The following JAKMIP3 variants were observed in gnomAD, a reference collection of about 807,000 sequenced individuals.
JAKMIP3 encodes the protein Janus kinase and microtubule interacting protein 3, also known as janus kinase and microtubule-interacting protein 3.
Under a neutral mutation model 118.5 loss-of-function variants are expected in JAKMIP3, and 58 were observed. The observed-to-expected ratio is 0.49, with a 90% CI of 0.40 to 0.61. JAKMIP3 has a LOEUF of 0.61. Among genes scored for constraint, JAKMIP3 ranks in the 20% least tolerant of loss-of-function variants. The probability of loss-of-function intolerance (pLI) is 0.00; values close to 1 mark genes in which losing one functional copy is unlikely to be tolerated. For missense variants in JAKMIP3, 950 were observed against 1,109.0 expected, an observed-to-expected ratio of 0.86 and a Z score of 2.04; for synonymous variants, 486 against 451.2, an observed-to-expected ratio of 1.08 and a Z score of -0.98.
At chr10:132,036,395 G>A (rs1399321663), upstream of JAKMIP3, among the ~76,000 whole-genome samples, 4 of 152,228 alleles carry the variant, frequency 2.6e-5, no homozygotes, top group Non-Finnish European at 4.4e-5. Flanking sequence ...CGCTGGGATC[G>A]GCCTGAGCGG....
chr10:132,136,565 A>T (rs1429240923), intron 6 of JAKMIP3, among the ~76,000 whole-genome samples: 5 of 152,218 alleles, frequency 3.3e-5, no homozygotes, highest in Non-Finnish European at 7.3e-5. Context: ...AAAGGCCATG[A>T]AGCCAGAGTT....
At chr10:132,129,873 AC>A (rs1234255284) in intron 3 of JAKMIP3, among the ~76,000 whole-genome samples, 182 of 109,938 alleles carry the variant, frequency 1.7e-3, no homozygotes, top group African/African-American at 6.6e-3. Context: ...GGGCATCAGT[AC>A]CTTTTTTTTT....
intron 4 of JAKMIP3, 89 bp from the exon 5 acceptor site, chr10:132,134,952 C>T (rs2637643): frequency 0.45 from 669,968 of 1,498,604 alleles, 156,184 homozygotes; most frequent in Non-Finnish European, 0.49. Flanking sequence ...CCCACGGCAG[C>T]GTTTTTGTTC....
chr10:132,083,872 T>C (rs940387496), intron 1 of JAKMIP3, among the ~76,000 whole-genome samples: 3 of 152,230 alleles, frequency 2.0e-5, no homozygotes, highest in African/African-American at 4.8e-5. Context: ...CAAAGTTCTC[T>C]ATTCTGTTCC....
At position 132,180,632 on chromosome 10, in the gene JAKMIP3, T is replaced by C. The variant is rs763932082; in HGVS notation, c.*1104-1725T>C. ...GTGTGTGTGCGTGTGTGTGCGTGTG[T>C]GCGTGCGTGTGTGCGTGTGCGTGTG... On this transcript the variant is annotated intron_variant, in intron 23 of 23. Coordinates refer to ENST00000684848, the MANE Select transcript of JAKMIP3 (RefSeq NM_001323087.2). 4.7e-3 allele frequency among the ~76,000 whole-genome samples: 151 copies of C among 31,968 alleles called. 22 individuals carry two copies. Among genetic ancestry groups the C allele is most frequent in the African/African-American group, 0.022 (121 of 5,592 alleles). The allele number at this position is 31,968 out of a possible 152,430, so 21.0% of individuals were successfully genotyped here.
intron 1 of JAKMIP3, among the ~76,000 whole-genome samples, chr10:132,048,247 G>A (rs529467443): frequency 2.6e-5 from 4 of 152,314 alleles, no homozygotes; most frequent in Middle Eastern, 3.4e-3. Flanking sequence ...GCTTTCCTCC[G>A]TAGTTAATGG....
At chr10:132,102,954 C>T (rs1417282438) in intron 1 of JAKMIP3, among the ~76,000 whole-genome samples, 2 of 136,876 alleles carry the variant, frequency 1.5e-5, no homozygotes, top group Non-Finnish European at 3.2e-5. Flanking sequence ...AGAGGAGACG[C>T]GGGCATGGGG....
intron 2 of JAKMIP3, among the ~76,000 whole-genome samples, chr10:132,116,728 G>A (rs1394775627): frequency 1.6e-5 from 1 of 61,772 alleles, no homozygotes; most frequent in African/African-American, 7.6e-5. Flanking sequence ...CGCTCCCCCC[G>A]AATACACATT....
intron 1 of JAKMIP3, among the ~76,000 whole-genome samples, chr10:132,104,360 C>T (rs1236779597): frequency 6.6e-6 from 1 of 152,176 alleles, no homozygotes; most frequent in Non-Finnish European, 1.5e-5. Flanking sequence ...ATTCTGAGTT[C>T]GAAGTTGGGT....
chr10:132,184,273 G>A lies in JAKMIP3; in HGVS notation c.*3020G>A, dbSNP rs2061685984. On this transcript the variant is annotated 3_prime_UTR_variant, in exon 24 of 24. Coordinates refer to ENST00000684848, the MANE Select transcript of JAKMIP3 (RefSeq NM_001323087.2). ...TAAAGTCTCTGCCCTTGCAGAATCTGTAGCCTTCAGGATACCCCGAGTGCC... is the reference window on the plus strand; with the variant it reads ...TAAAGTCTCTGCCCTTGCAGAATCTATAGCCTTCAGGATACCCCGAGTGCC... 6.6e-6 allele frequency: 1 copy of A among 152,234 alleles called. No homozygotes were observed. The highest frequency in any genetic ancestry group is 2.4e-5 in the African/African-American group (1 of 41,452). 9.4% of individuals were successfully genotyped at this position (152,234 alleles called of 1,614,324 possible). A position where few individuals can be genotyped will look rare whatever the true frequency, so the allele number is the denominator to read the frequency against.
intron 1 of JAKMIP3, among the ~76,000 whole-genome samples, chr10:132,037,501 A>G (rs1195929040): frequency 6.6e-6 from 1 of 152,088 alleles, no homozygotes; most frequent in African/African-American, 2.4e-5. Flanking sequence ...GTGTTGGGGA[A>G]GCCTCCCTCC....
chr10:132,052,440 T>G (rs2133814951), intron 1 of JAKMIP3, among the ~76,000 whole-genome samples: 1 of 152,362 alleles, frequency 6.6e-6, no homozygotes, highest in Non-Finnish European at 1.5e-5. Flanking sequence ...GATTGTTGTC[T>G]TTCATCAATT....
chr10:132,094,763 A>G (rs979707054), intron 1 of JAKMIP3, among the ~76,000 whole-genome samples: 11 of 151,934 alleles, frequency 7.2e-5, no homozygotes, highest in Admixed American at 5.9e-4. Flanking sequence ...GAGCATAGAG[A>G]GGAACCCGCG....
At chr10:132,037,046 T>C (rs2037529936) in intron 1 of JAKMIP3, among the ~76,000 whole-genome samples, 1 of 152,172 alleles carries the variant, frequency 6.6e-6, no homozygotes, top group East Asian at 1.9e-4. Flanking sequence ...GACCCGCATC[T>C]CCGTGTCTCC....
At chr10:132,108,132 A>G (rs956403881) in intron 2 of JAKMIP3, among the ~76,000 whole-genome samples, 3 of 152,220 alleles carry the variant, frequency 2.0e-5, no homozygotes, top group African/African-American at 7.2e-5. Context: ...GGCTTAGCCA[A>G]GGACTCTGAA....
At chr10:132,165,553 C>T (rs916974534) in intron 21 of JAKMIP3, among the ~76,000 whole-genome samples, 1 of 152,232 alleles carries the variant, frequency 6.6e-6, no homozygotes, top group Non-Finnish European at 1.5e-5. Flanking sequence ...AGTGGCCCCA[C>T]CTTCTGCCTC....
At position 132,133,526 on chromosome 10, in the gene JAKMIP3, C is replaced by T. The variant is rs1157179206; in HGVS notation, c.848C>T (p.Pro283Leu). The T allele has an allele frequency of 3.8e-6, 6 of 1,558,898 alleles. No individual in the cohort carries two copies. The Admixed American group carries it at 1.2e-4, about 30-fold the overall frequency. The change falls in exon 4 of 24, where the codon CCT (proline) becomes CTT (leucine). Residue 283 changes from proline to leucine, a missense_variant and splice_region_variant. By Grantham distance (98) the Pro-to-Leu change is moderately conservative. Transcript: ENST00000684848. Reference protein sequence around the residue: ...AGDASDHSGSPEQQLDEKDAR... With the variant: ...AGDASDHSGSLEQQLDEKDAR... ...GACGCTTCAGACCACTCGGGAAGCC[C>T]TGTAAGCACCTCCCAGGCCCACCGG...
At chr10:132,075,407 CTT>C (rs375237424) in intron 1 of JAKMIP3, among the ~76,000 whole-genome samples, 8 of 113,858 alleles carry the variant, frequency 7.0e-5, no homozygotes, top group Non-Finnish European at 8.3e-5. Context: ...TACTTCACCT[CTT>C]TTTTTTTTTT....
At position 132,149,213 on chromosome 10, in the gene JAKMIP3, A is replaced by G. The variant is rs552393828; in HGVS notation, c.1849-199A>G. Among the ~76,000 whole-genome samples the G allele has an allele frequency of 2.6e-5, 4 of 152,156 alleles. No homozygotes were observed. In the East Asian group the frequency reaches 7.7e-4, roughly 29 times the overall value. ...CGGCACATCTGGGGTCAGCGAATAT[A>G]CAGGGGCAGTCCTTGTGGGCAGGTC... On this transcript the variant is annotated intron_variant, in intron 14 of 23. Coordinates refer to ENST00000684848, the MANE Select transcript of JAKMIP3 (RefSeq NM_001323087.2).
Sources: allele counts gnomAD v4.1 joint callset (sites outside exome capture counted in the v4.1 genomes callset), GRCh38; gene constraint gnomAD v4.1.1; transcripts MANE v1.5; gene names NCBI Gene and HGNC (gene_info 2026-07-23, HGNC 2026-07-21).